Variants in ZNF385D observed in about 807,000 individuals in gnomAD.
ZNF385D encodes zinc finger protein 385D, also known as zinc finger protein 659.
In ZNF385D, 15 loss-of-function variants were observed where a neutral mutation model predicts 35.8. That is an observed-to-expected ratio of 0.42 (90% CI 0.28 to 0.64). The LOEUF (loss-of-function observed/expected upper bound fraction) is 0.64. ZNF385D is among the 30% of genes least tolerant of loss of function. The pLI, the probability that ZNF385D is intolerant of heterozygous loss-of-function variation, is 0.23. For missense variants in ZNF385D, 474 were observed against 494.6 expected (o/e 0.96, Z 0.39); for synonymous variants, 212 against 186.8 (o/e 1.13, Z -1.10).
At chr3:22,006,165 A>C (rs2125425214) in intron 3 of ZNF385D, among the ~76,000 whole-genome samples, 1 of 152,228 alleles carries the variant, frequency 6.6e-6, no homozygotes, top group African/African-American at 2.4e-5. Context: ...ACAGAGGCAA[A>C]ATGAACACAT....
At chr3:22,329,078 A>AT (rs972351276) in intron 2 of ZNF385D, among the ~76,000 whole-genome samples, 10 of 143,656 alleles carry the variant, frequency 7.0e-5, no homozygotes, top group African/African-American at 2.6e-4. Context: ...CTCCGTCTCA[A>AT]AAAAAAAAAA....
At chr3:21,618,746 T>A (rs2064919326) in intron 2 of ZNF385D, among the ~76,000 whole-genome samples, 1 of 152,130 alleles carries the variant, frequency 6.6e-6, no homozygotes, top group Non-Finnish European at 1.5e-5. Context: ...AACAAAAGTC[T>A]ACCCAACATA....
intron 3 of ZNF385D, among the ~76,000 whole-genome samples, chr3:22,115,187 G>T (rs565894096): frequency 4.1e-4 from 63 of 152,130 alleles, no homozygotes; most frequent in African/African-American, 1.4e-3. Flanking sequence ...AGAAGTCATT[G>T]GTAGAAACTG....
chr3:22,020,370 A>T (rs143459565), intron 3 of ZNF385D, among the ~76,000 whole-genome samples: 1 of 151,964 alleles, frequency 6.6e-6, no homozygotes, highest in African/African-American at 2.4e-5. Context: ...TTTTTTCTTT[A>T]GTTGAACCAC....
intron 3 of ZNF385D, among the ~76,000 whole-genome samples, chr3:21,783,361 G>C (rs962238194): frequency 3.0e-4 from 46 of 152,122 alleles, no homozygotes; most frequent in Non-Finnish European, 1.5e-4. Flanking sequence ...GGAACAGAGG[G>C]AAAAAGGAGA....
intron 3 of ZNF385D, among the ~76,000 whole-genome samples, chr3:22,084,308 C>T (rs1050903719): frequency 2.6e-5 from 4 of 152,148 alleles, no homozygotes; most frequent in Admixed American, 6.5e-5. Context: ...AGTCAAGACT[C>T]ATCAGTGTAC....
chr3:22,077,639 G>T (rs1700530591), intron 3 of ZNF385D, among the ~76,000 whole-genome samples: 1 of 151,846 alleles, frequency 6.6e-6, no homozygotes, highest in Admixed American at 6.6e-5. Context: ...GATGTTTTTG[G>T]CACATATTTG....
intron 3 of ZNF385D, among the ~76,000 whole-genome samples, chr3:22,150,003 C>A (rs995187436): frequency 7.9e-5 from 12 of 152,104 alleles, no homozygotes; most frequent in African/African-American, 2.9e-4. Flanking sequence ...CCAAATAACT[C>A]AGTTATTTCA....
chr3:22,151,647 T>C (rs756699319), intron 3 of ZNF385D, among the ~76,000 whole-genome samples: 11 of 152,166 alleles, frequency 7.2e-5, no homozygotes, highest in Admixed American at 5.9e-4. Context: ...TTCAACTGAT[T>C]GGCTGGGGCC....
intron 1 of ZNF385D, among the ~76,000 whole-genome samples, chr3:21,709,971 G>A (rs917813126): frequency 2.0e-5 from 3 of 152,166 alleles, no homozygotes; most frequent in Admixed American, 1.3e-4. Context: ...AAAAAGGAAC[G>A]AGTTATTGAT....
intron 3 of ZNF385D, among the ~76,000 whole-genome samples, chr3:22,130,699 G>C (rs527464990): frequency 1.3e-5 from 2 of 152,096 alleles, no homozygotes; most frequent in African/African-American, 2.4e-5. Flanking sequence ...GAGAGGGGCG[G>C]TGTAGACAAT....
chr3:21,844,476 G>A (rs1463589071), intron 3 of ZNF385D, among the ~76,000 whole-genome samples: 3 of 151,768 alleles, frequency 2.0e-5, no homozygotes, highest in East Asian at 1.9e-4. Flanking sequence ...GTTGTCCGAA[G>A]CTCACTTTCC....
intron 3 of ZNF385D, among the ~76,000 whole-genome samples, chr3:22,113,643 T>A (rs1702653736): frequency 6.6e-6 from 1 of 152,122 alleles, no homozygotes; most frequent in Admixed American, 6.6e-5. Flanking sequence ...ACAGGACTGG[T>A]CTTGTTGCCA....
At chr3:22,010,266 T>C (rs371431785) in intron 3 of ZNF385D, among the ~76,000 whole-genome samples, 11 of 152,334 alleles carry the variant, frequency 7.2e-5, no homozygotes, top group Admixed American at 5.9e-4. Flanking sequence ...TTAGTACTTG[T>C]TGCTATAAAC....
At chr3:21,423,278 A>G (rs1700829123) in intron 7 of ZNF385D, among the ~76,000 whole-genome samples, 1 of 152,246 alleles carries the variant, frequency 6.6e-6, no homozygotes, top group Non-Finnish European at 1.5e-5. Flanking sequence ...TCAGCAGCAC[A>G]TAACAGCATC....
intron 2 of ZNF385D, among the ~76,000 whole-genome samples, chr3:22,248,634 T>C (rs143509759): frequency 8.3e-4 from 126 of 152,294 alleles, no homozygotes; most frequent in Non-Finnish European, 1.6e-3. Flanking sequence ...TGGCAAATTA[T>C]TCAACCTCTC....
At chr3:21,758,332 T>G (rs2070439711) in intron 3 of ZNF385D, among the ~76,000 whole-genome samples, 2 of 152,132 alleles carry the variant, frequency 1.3e-5, no homozygotes, top group South Asian at 4.1e-4. Flanking sequence ...ATGAGGTTAG[T>G]GATTGGAACA....
At chr3:22,332,898 C>G (rs1695002982) in intron 2 of ZNF385D, among the ~76,000 whole-genome samples, 1 of 149,836 alleles carries the variant, frequency 6.7e-6, no homozygotes, top group Non-Finnish European at 1.5e-5. Context: ...ATTTATATTA[C>G]TTTTCCTTTT....
chr3:22,011,804 G>A (rs1347555674), intron 3 of ZNF385D, among the ~76,000 whole-genome samples: 1 of 152,014 alleles, frequency 6.6e-6, no homozygotes, highest in African/African-American at 2.4e-5. Flanking sequence ...TCACATTTTT[G>A]GTAAGCTGCA....
Sources: gnomAD v4.1 joint callset for allele counts (sites outside exome capture counted in the v4.1 genomes callset) on GRCh38, gnomAD v4.1.1 for gene constraint, MANE v1.5 for transcripts, NCBI Gene and HGNC (gene_info 2026-07-23, HGNC 2026-07-21) for gene names.